MSH3: variants seen among roughly 807,000 people sequenced by gnomAD.
The protein encoded by MSH3 is DNA mismatch repair protein Msh3.
In MSH3, 106 loss-of-function variants were observed where a neutral mutation model predicts 123.3. That is an observed-to-expected ratio of 0.86 (90% CI 0.73 to 1.01). The LOEUF (loss-of-function observed/expected upper bound fraction) is 1.01, where lower values mean the gene tolerates loss of function less well. Among genes scored for constraint, MSH3 ranks in the 50% least tolerant of loss-of-function variants. The probability of loss-of-function intolerance (pLI) is 0.00; values close to 1 mark genes in which losing one functional copy is unlikely to be tolerated. For missense variants in MSH3, 1,459 were observed against 1,347.6 expected (o/e 1.08, Z -1.29); for synonymous variants, 515 against 481.4 (o/e 1.07, Z -0.91).
At chr5:80,768,455 G>T (rs1744162186) in intron 14 of MSH3, among the ~76,000 whole-genome samples, 3 of 152,074 alleles carry the variant, frequency 2.0e-5, no homozygotes, top group Admixed American at 2.0e-4. Context: ...TATTTCCAGA[G>T]ATGTCTTTAT....
chr5:80,680,434 G>A (rs1447292185), intron 8 of MSH3, among the ~76,000 whole-genome samples: 2 of 151,768 alleles, frequency 1.3e-5, no homozygotes, highest in Admixed American at 6.6e-5. Flanking sequence ...AAAAAAAAAG[G>A]ATAAATTCAT....
chr5:80,838,572 A>G (rs576761225), intron 20 of MSH3, among the ~76,000 whole-genome samples: 3 of 152,328 alleles, frequency 2.0e-5, no homozygotes, highest in Admixed American at 1.3e-4. Flanking sequence ...ATTTACCTAT[A>G]TTAAATCAGT....
chr5:80,812,615 A>C lies in MSH3; in HGVS notation c.2656-969A>C. Among the ~76,000 whole-genome samples the C allele has an allele frequency of 3.4e-5, 4 of 118,798 alleles. No individual in the cohort carries two copies. The Admixed American group carries it at 3.4e-4, about 10-fold the overall frequency. 77.9% of individuals were successfully genotyped at this position (118,798 alleles called of 152,430 possible). Reference sequence around the variant, plus strand: ...TTTTTTTTTTTTGAGATGGAGTCTCACTCTCACCCATGCTGGAATGCAGTG... The same window carrying C: ...TTTTTTTTTTTTGAGATGGAGTCTCCCTCTCACCCATGCTGGAATGCAGTG... On this transcript the variant is annotated intron_variant, in intron 19 of 23. Transcript: ENST00000265081.
At chr5:80,798,871 A>C (rs1744742859) in intron 19 of MSH3, among the ~76,000 whole-genome samples, 1 of 152,166 alleles carries the variant, frequency 6.6e-6, no homozygotes, top group South Asian at 2.1e-4. Context: ...TGCAGGACCC[A>C]ACAAAACACT....
Position 80,876,752 on chromosome 5 carries a change from G to A in MSH3, c.*890G>A, listed in dbSNP as rs116383327. 6.7e-3 allele frequency among the ~76,000 whole-genome samples: 1,026 copies of A among 152,290 alleles called. 4 individuals are homozygous for A. The highest frequency in any genetic ancestry group is 0.011 in the Admixed American group (166 of 15,298). On this transcript the variant is annotated 3_prime_UTR_variant, in exon 24 of 24. Transcript: ENST00000265081. Reference sequence around the variant, plus strand: ...TTGTCATAGGATTAAGCAGTTTAAAGATTGTTGGATGAAATTATTTGTCAT... The same window carrying A: ...TTGTCATAGGATTAAGCAGTTTAAAAATTGTTGGATGAAATTATTTGTCAT...
At chr5:80,765,554 ACTAT>A (rs759413142) in intron 13 of MSH3, among the ~76,000 whole-genome samples, 68 of 152,252 alleles carry the variant, frequency 4.5e-4, no homozygotes, top group South Asian at 1.0e-3. Context: ...TTTCATATAT[ACTAT>A]CTATTATGTG....
chr5:80,733,151 T>C (rs999890556), intron 10 of MSH3, among the ~76,000 whole-genome samples: 3 of 152,138 alleles, frequency 2.0e-5, no homozygotes, highest in Non-Finnish European at 4.4e-5. Context: ...ATGTGATCAA[T>C]GTGATAGAAT....
At chr5:80,759,062 T>G (rs1743985653) in intron 12 of MSH3, among the ~76,000 whole-genome samples, 1 of 152,212 alleles carries the variant, frequency 6.6e-6, no homozygotes, top group Non-Finnish European at 1.5e-5. Context: ...GAAAATTTAT[T>G]TTTTCCAGCT....
chr5:80,697,144 CTTGT>C (rs748385935), intron 8 of MSH3, among the ~76,000 whole-genome samples: 10 of 152,142 alleles, frequency 6.6e-5, no homozygotes, highest in Admixed American at 1.3e-4. Context: ...CTTGCCCTTT[CTTGT>C]TTATCACCCA....
intron 10 of MSH3, among the ~76,000 whole-genome samples, chr5:80,731,850 C>G (rs1743418545): frequency 6.6e-6 from 1 of 152,130 alleles, no homozygotes; most frequent in Non-Finnish European, 1.5e-5. Flanking sequence ...ATACTTTATG[C>G]TGCTGAAGTT....
chr5:80,740,327 T>G (rs1421958855), intron 10 of MSH3, among the ~76,000 whole-genome samples: 2 of 151,968 alleles, frequency 1.3e-5, no homozygotes, highest in East Asian at 3.8e-4. Context: ...CCACTAAATT[T>G]GGCCATGGTA....
At chr5:80,663,080 A>T (rs930268927) in intron 2 of MSH3, among the ~76,000 whole-genome samples, 8 of 151,860 alleles carry the variant, frequency 5.3e-5, no homozygotes, top group East Asian at 1.9e-4. Flanking sequence ...ACAAAAAATT[A>T]AAAAAAAATT....
At chr5:80,751,634 T>C (rs1476093103) in intron 12 of MSH3, among the ~76,000 whole-genome samples, 1 of 152,200 alleles carries the variant, frequency 6.6e-6, no homozygotes, top group Non-Finnish European at 1.5e-5. Context: ...GCTTGCTGTA[T>C]GTATGTCCCT....
At position 80,672,869 on chromosome 5, in the gene MSH3, T is replaced by A. The variant is rs760818925; in HGVS notation, c.1027+11T>A. ...CACTTATTGGAGAAGATATCCTTTT[T>A]GGACGGGAGTTTTTCTCTTAAATGA... On this transcript the variant is annotated intron_variant, in intron 6 of 23. Coordinates refer to ENST00000265081, the MANE Select transcript of MSH3 (RefSeq NM_002439.5). The A allele has an allele frequency of 1.3e-6, 2 of 1,578,510 alleles. No homozygotes were observed. Among genetic ancestry groups the A allele is most frequent in the Non-Finnish European group, 1.7e-6 (2 of 1,147,620 alleles).
At chr5:80,763,914 T>A (rs1744083062) in intron 13 of MSH3, among the ~76,000 whole-genome samples, 1 of 152,270 alleles carries the variant, frequency 6.6e-6, no homozygotes, top group Non-Finnish European at 1.5e-5. Context: ...TATAGTTTAC[T>A]AACGGAACTT....
At chr5:80,787,811 T>C (rs1372301833) in intron 18 of MSH3, 139 bp downstream of exon 18, 6 of 663,030 alleles carry the variant, frequency 9.0e-6, no homozygotes, top group East Asian at 8.6e-5. Flanking sequence ...GTCATACATA[T>C]GTAGCTTGAT....
chr5:80,753,506 A>G (rs1743872879), intron 12 of MSH3, among the ~76,000 whole-genome samples: 1 of 152,108 alleles, frequency 6.6e-6, no homozygotes. Context: ...CCTTTTATTT[A>G]TGCTCTAAAC....
At chr5:80,699,544 T>G in intron 8 of MSH3, among the ~76,000 whole-genome samples, 1 of 100,534 alleles carries the variant, frequency 9.9e-6, no homozygotes, top group African/African-American at 4.2e-5. Context: ...GGCAACAGAG[T>G]ACAACACTGT....
At chr5:80,659,536 G>A (rs895803477) in intron 2 of MSH3, among the ~76,000 whole-genome samples, 1 of 140,642 alleles carries the variant, frequency 7.1e-6, no homozygotes, top group African/African-American at 2.7e-5. Context: ...TGCAGTTACT[G>A]TAATGTTTTC....
Sources: allele counts gnomAD v4.1 joint callset (sites outside exome capture counted in the v4.1 genomes callset), GRCh38; gene constraint gnomAD v4.1.1; transcripts MANE v1.5; gene names NCBI Gene and HGNC (gene_info 2026-07-23, HGNC 2026-07-21).